The following PIBF1 variants were observed in gnomAD, a reference collection of about 807,000 sequenced individuals.
The protein encoded by PIBF1 is progesterone immunomodulatory binding factor 1, also known as progesterone-induced-blocking factor 1.
A neutral mutation model predicts 112.5 loss-of-function variants in PIBF1; 90 were observed. The ratio of observed to expected loss-of-function variants is 0.80; its 90% confidence interval spans 0.67 to 0.95. PIBF1 has a LOEUF of 0.95. Among genes scored for constraint, PIBF1 ranks in the 40% least tolerant of loss-of-function variants. PIBF1 has a pLI of 0.00. For missense variants in PIBF1, 915 were observed against 852.3 expected, an observed-to-expected ratio of 1.07 and a Z score of -0.92; for synonymous variants, 301 against 288.6, an observed-to-expected ratio of 1.04 and a Z score of -0.44.
At chr13:72,936,835 T>C (rs2041883691) in intron 14 of PIBF1, among the ~76,000 whole-genome samples, 1 of 152,200 alleles carries the variant, frequency 6.6e-6, no homozygotes, top group Non-Finnish European at 1.5e-5. Flanking sequence ...GTGATTTTGG[T>C]TGACATTACG....
In PIBF1 at chr13:72,861,575, T is replaced by C. The variant is rs564394657; in HGVS notation, c.1322+7420T>C. 2.2e-3 allele frequency among the ~76,000 whole-genome samples: 332 copies of C among 152,282 alleles called. 3 individuals are homozygous for C. The highest frequency in any genetic ancestry group is 7.6e-3 in the African/African-American group (315 of 41,558). On this transcript the variant is annotated intron_variant, in intron 10 of 17. Transcript: ENST00000326291. ...TTCAGTGCTTTTTTTCATATTTCTA[T>C]ATACTTTTATCTTTATATTTTAATC...
intron 12 of PIBF1, among the ~76,000 whole-genome samples, chr13:72,912,078 C>A (rs2138671854): frequency 1.3e-5 from 2 of 152,142 alleles, no homozygotes; most frequent in South Asian, 4.2e-4. Flanking sequence ...ATGTCCATGT[C>A]CTCATCTTTG....
intron 17 of PIBF1, among the ~76,000 whole-genome samples, chr13:73,000,674 A>C (rs759721637): frequency 1.6e-4 from 25 of 152,074 alleles, no homozygotes; most frequent in Non-Finnish European, 2.4e-4. Context: ...GCCTGTCAGC[A>C]CTCTCTGATC....
At chr13:72,981,935 A>G (rs12428372) in intron 16 of PIBF1, among the ~76,000 whole-genome samples, 33,123 of 152,142 alleles carry the variant, frequency 0.22, 3,699 homozygotes, top group East Asian at 0.27. Flanking sequence ...TTGTATTCAT[A>G]TCCCAGCTCT....
chr13:72,980,416 A>C (rs1177915435), intron 16 of PIBF1, among the ~76,000 whole-genome samples: 1 of 152,244 alleles, frequency 6.6e-6, no homozygotes, highest in African/African-American at 2.4e-5. Flanking sequence ...AGAACCATTC[A>C]TAACAGAGCC....
intron 14 of PIBF1, among the ~76,000 whole-genome samples, chr13:72,954,190 C>T (rs78110945): frequency 6.6e-6 from 1 of 152,114 alleles, no homozygotes; most frequent in African/African-American, 2.4e-5. Context: ...ACAGCAAGTC[C>T]CATACCCTCA....
At chr13:72,870,861 G>T (rs992102162) in intron 10 of PIBF1, among the ~76,000 whole-genome samples, 6 of 151,306 alleles carry the variant, frequency 4.0e-5, no homozygotes, top group Non-Finnish European at 5.9e-5. Context: ...TCATTCACCT[G>T]ATTCAGAGTG....
intron 11 of PIBF1, among the ~76,000 whole-genome samples, chr13:72,899,107 C>G (rs117861995): frequency 0.027 from 4,064 of 152,130 alleles, 74 homozygotes; most frequent in Non-Finnish European, 0.041. Flanking sequence ...AGACCAATAA[C>G]AAGCAGCGAG....
At chr13:72,951,963 G>A (rs1253277761) in intron 14 of PIBF1, among the ~76,000 whole-genome samples, 1 of 151,668 alleles carries the variant, frequency 6.6e-6, no homozygotes, top group South Asian at 2.1e-4. Context: ...CGCTTGCCTC[G>A]GCCTCCCCAG....
chr13:72,965,200 G>C, intron 14 of PIBF1, 74 bp from the exon 15 acceptor site: 2 of 1,288,896 alleles, frequency 1.6e-6, no homozygotes, highest in Non-Finnish European at 2.2e-6. Context: ...TACTATATTT[G>C]TGCTAGAGCA....
chr13:72,959,778 G>A (rs972510932), intron 14 of PIBF1, among the ~76,000 whole-genome samples: 8 of 152,096 alleles, frequency 5.3e-5, no homozygotes, highest in Non-Finnish European at 1.5e-5. Context: ...ATATGTACAG[G>A]TTATTGAAAC....
intron 10 of PIBF1, among the ~76,000 whole-genome samples, chr13:72,877,185 A>G (rs1008946702): frequency 6.6e-6 from 1 of 152,212 alleles, no homozygotes; most frequent in Non-Finnish European, 1.5e-5. Flanking sequence ...GATCACATTA[A>G]TTGATTTTCA....
At chr13:72,941,965 A>G (rs930922039) in intron 14 of PIBF1, among the ~76,000 whole-genome samples, 12 of 152,206 alleles carry the variant, frequency 7.9e-5, no homozygotes. Flanking sequence ...ACCACTAGTC[A>G]TGGATTAGCA....
chr13:72,972,142 T>C (rs2042911210), intron 15 of PIBF1, among the ~76,000 whole-genome samples: 1 of 151,856 alleles, frequency 6.6e-6, no homozygotes, highest in Non-Finnish European at 1.5e-5. Flanking sequence ...CGAGCGATCC[T>C]CCTACCTCAT....
intron 10 of PIBF1, among the ~76,000 whole-genome samples, chr13:72,867,512 A>G (rs1417756080): frequency 6.6e-6 from 1 of 152,212 alleles, no homozygotes; most frequent in Non-Finnish European, 1.5e-5. Context: ...TTCTCTTTTC[A>G]GCACCATAAA....
chr13:72,793,400 A>T (rs2035032839), intron 3 of PIBF1, among the ~76,000 whole-genome samples: 1 of 152,114 alleles, frequency 6.6e-6, no homozygotes, highest in Non-Finnish European at 1.5e-5. Context: ...AAACTTTAGC[A>T]TGTATCAGGA....
chr13:72,876,289 C>G (rs1459441241), intron 10 of PIBF1, among the ~76,000 whole-genome samples: 1 of 151,992 alleles, frequency 6.6e-6, no homozygotes, highest in African/African-American at 2.4e-5. Context: ...TTCCACTGAT[C>G]TATTTGTCCC....
intron 2 of PIBF1, among the ~76,000 whole-genome samples, chr13:72,788,858 A>G (rs1043043964): frequency 6.6e-6 from 1 of 152,200 alleles, no homozygotes; most frequent in African/African-American, 2.4e-5. Context: ...TTTGAATCTA[A>G]CATGTCCCAC....
intron 13 of PIBF1, among the ~76,000 whole-genome samples, chr13:72,918,175 C>CTG (rs1214102360): frequency 6.6e-6 from 1 of 152,168 alleles, no homozygotes; most frequent in Non-Finnish European, 1.5e-5. Flanking sequence ...TTCTTTCAGA[C>CTG]TTCCACGCGC....
Sources: gnomAD v4.1 joint callset for allele counts (sites outside exome capture counted in the v4.1 genomes callset) on GRCh38, gnomAD v4.1.1 for gene constraint, MANE v1.5 for transcripts, NCBI Gene and HGNC (gene_info 2026-07-23, HGNC 2026-07-21) for gene names.